Variants in CSTPP1 observed in about 807,000 individuals in gnomAD.
CSTPP1 encodes centriolar satellite-associated tubulin polyglutamylase complex regulator 1, also known as UPF0705 protein C11orf49.
chr11:46,997,049 C>T, the CSTPP1 span, among the ~76,000 whole-genome samples: 13 of 152,212 alleles, frequency 8.5e-5, no homozygotes, highest in Middle Eastern at 3.4e-3. Flanking sequence ...TTGCTCTTCT[C>T]GAGGAGTATC....
the CSTPP1 span, among the ~76,000 whole-genome samples, chr11:46,943,580 A>C: frequency 1.3e-5 from 2 of 152,168 alleles, no homozygotes; most frequent in Non-Finnish European, 2.9e-5. Context: ...TTGCCACTGG[A>C]CTCATCTCTC....
the CSTPP1 span, among the ~76,000 whole-genome samples, chr11:47,085,872 T>A: frequency 1.4e-5 from 2 of 147,794 alleles, no homozygotes; most frequent in African/African-American, 5.0e-5. Context: ...AGTGAAACTC[T>A]GTCTCAAAAA....
the CSTPP1 span, among the ~76,000 whole-genome samples, chr11:47,117,607 C>T: frequency 6.6e-6 from 1 of 152,076 alleles, no homozygotes; most frequent in Non-Finnish European, 1.5e-5. Context: ...AATTATGTGT[C>T]TTGGGGTTGC....
At chr11:47,004,271 G>C in the CSTPP1 span, 2 of 151,614 alleles carry the variant, frequency 1.3e-5, no homozygotes, top group Non-Finnish European at 2.9e-5. Flanking sequence ...CTTAACCTGG[G>C]CTCAAGCAAT....
chr11:47,034,901 T>C, the CSTPP1 span, among the ~76,000 whole-genome samples: 980 of 152,312 alleles, frequency 6.4e-3, 9 homozygotes, highest in African/African-American at 0.023. Context: ...GCCAAAACTT[T>C]TTCTAAAATT....
chr11:47,020,326 G>A, the CSTPP1 span, among the ~76,000 whole-genome samples: 83 of 152,246 alleles, frequency 5.5e-4, no homozygotes, highest in African/African-American at 1.9e-3. Context: ...ATAAAATAAT[G>A]TATTTATTTG....
At chr11:47,091,374 A>C in the CSTPP1 span, among the ~76,000 whole-genome samples, 1 of 136,820 alleles carries the variant, frequency 7.3e-6, no homozygotes, top group Non-Finnish European at 1.5e-5. Flanking sequence ...ACTCCATCTC[A>C]AAAAAAAAAA....
the CSTPP1 span, among the ~76,000 whole-genome samples, chr11:47,029,346 C>T: frequency 6.6e-6 from 1 of 152,090 alleles, no homozygotes; most frequent in Non-Finnish European, 1.5e-5. Context: ...GTGGCTCACT[C>T]CTGTAATCCC....
the CSTPP1 span, among the ~76,000 whole-genome samples, chr11:47,110,797 C>G: frequency 1.3e-5 from 2 of 152,204 alleles, no homozygotes; most frequent in Admixed American, 1.3e-4. Flanking sequence ...GTCTGCAACT[C>G]CAGGGCCCTG....
the CSTPP1 span, among the ~76,000 whole-genome samples, chr11:47,056,236 A>G: frequency 6.6e-6 from 1 of 152,188 alleles, no homozygotes; most frequent in African/African-American, 2.4e-5. Context: ...AAATCCACCT[A>G]AAAGTGTGGA....
the CSTPP1 span, among the ~76,000 whole-genome samples, chr11:47,036,222 A>T: frequency 4.4e-5 from 2 of 45,166 alleles, no homozygotes; most frequent in African/African-American, 6.7e-5. Flanking sequence ...TTAATATATA[A>T]TATATATAAT....
the CSTPP1 span, among the ~76,000 whole-genome samples, chr11:46,961,356 G>A: frequency 6.6e-6 from 1 of 152,062 alleles, no homozygotes; most frequent in Non-Finnish European, 1.5e-5. Context: ...TTGGCCAAGG[G>A]TTTGTCTTCT....
At chr11:47,021,682 G>A in the CSTPP1 span, among the ~76,000 whole-genome samples, 1 of 152,124 alleles carries the variant, frequency 6.6e-6, no homozygotes, top group South Asian at 2.1e-4. Flanking sequence ...GCACAGCAAG[G>A]TCATTACAGG....
chr11:47,122,119 T>TATATATATATATATA, the CSTPP1 span, among the ~76,000 whole-genome samples: 1 of 117,564 alleles, frequency 8.5e-6, no homozygotes, highest in Non-Finnish European at 1.7e-5. Flanking sequence ...TATATATATA[T>TATATATATATATATA]TAGAAAAATG....
chr11:46,987,176 T>C, the CSTPP1 span: 1 of 1,599,622 alleles, frequency 6.3e-7, no homozygotes, highest in South Asian at 1.1e-5. Context: ...CTTTCTCTCA[T>C]TTTCTCTTTC....
chr11:47,015,324 A>G, the CSTPP1 span, among the ~76,000 whole-genome samples: 3 of 151,858 alleles, frequency 2.0e-5, no homozygotes, highest in Admixed American at 2.0e-4. Flanking sequence ...AAATACAAAA[A>G]TTAGCCAGGC....
the CSTPP1 span, among the ~76,000 whole-genome samples, chr11:46,991,987 C>T: frequency 3.9e-5 from 6 of 152,186 alleles, no homozygotes; most frequent in East Asian, 7.8e-4. Flanking sequence ...GTGATCTGCC[C>T]GCCTTGGCAT....
At chr11:46,994,955 C>G in the CSTPP1 span, among the ~76,000 whole-genome samples, 1 of 152,132 alleles carries the variant, frequency 6.6e-6, no homozygotes, top group Admixed American at 6.6e-5. Context: ...AATTTCAGAG[C>G]CTGTTATTGG....
the CSTPP1 span, among the ~76,000 whole-genome samples, chr11:47,030,173 C>G: frequency 4.6e-5 from 7 of 152,058 alleles, no homozygotes; most frequent in Admixed American, 4.6e-4. Flanking sequence ...AAGACAAGTT[C>G]AATTCCAATT....
Sources: allele counts gnomAD v4.1 joint callset (sites outside exome capture counted in the v4.1 genomes callset), GRCh38; gene constraint gnomAD v4.1.1; transcripts MANE v1.5; gene names NCBI Gene and HGNC (gene_info 2026-07-23, HGNC 2026-07-21).